Variants in ABCA1 observed in about 807,000 individuals in gnomAD.
ABCA1 encodes the protein ATP binding cassette subfamily A member 1.
A neutral mutation model predicts 262.5 loss-of-function variants in ABCA1; 133 were observed. The observed-to-expected ratio is 0.51, with a 90% confidence interval of 0.44 to 0.59. The LOEUF (loss-of-function observed/expected upper bound fraction) is 0.59, where lower values mean the gene tolerates loss of function less well. Among genes scored for constraint, ABCA1 ranks in the 20% least tolerant of loss-of-function variants. The pLI is 0.00. For missense variants in ABCA1, 2,452 were observed against 2,777.5 expected (o/e 0.88, Z 2.63); for synonymous variants, 1,022 against 1,043.5 (o/e 0.98, Z 0.40).
At chr9:104,833,103 T>C (rs1357139158) in intron 11 of ABCA1, among the ~76,000 whole-genome samples, 6 of 152,232 alleles carry the variant, frequency 3.9e-5, no homozygotes, top group African/African-American at 1.2e-4. Flanking sequence ...ACTTCCTTTA[T>C]ATAGTTACTA....
intron 5 of ABCA1, among the ~76,000 whole-genome samples, chr9:104,882,015 A>G: frequency 7.3e-6 from 1 of 137,096 alleles, no homozygotes; most frequent in Non-Finnish European, 1.5e-5. Context: ...AGGAAAGCAC[A>G]GTTCTGTAGC....
intron 5 of ABCA1, among the ~76,000 whole-genome samples, chr9:104,877,640 T>C (rs994918272): frequency 6.6e-6 from 1 of 152,266 alleles, no homozygotes; most frequent in Non-Finnish European, 1.5e-5. Context: ...ATTTATTATG[T>C]GTCAACTGTG....
At chr9:104,837,712 A>T in intron 9 of ABCA1, 145 bp from the exon 10 acceptor site, 1 of 948,262 alleles carries the variant, frequency 1.1e-6, no homozygotes, top group Non-Finnish European at 1.6e-6. Flanking sequence ...TCTGAGCCTC[A>T]GTTGGCTCCT....
intron 40 of ABCA1, 128 bp from the exon 41 acceptor site, chr9:104,793,428 G>A (rs541472246): frequency 7.5e-6 from 10 of 1,328,724 alleles, no homozygotes; most frequent in Middle Eastern, 1.8e-4. Context: ...TATCACCCAT[G>A]ACAAGGAAAA....
rs1836580222 is a variant in ABCA1, at chr9:104,862,648, C to CAG, written c.422-849_422-848insCT. On this transcript the variant is annotated intron_variant, in intron 5 of 49. Transcript: ENST00000374736. ...ATGCAGACTGCCGGGCCGGGCCGGG[C>CAG]CGGGCCGGGCCGGGCCGGGCCGGGC... Among the ~76,000 whole-genome samples, 18 of 4,312 alleles carry CAG rather than the reference C, an allele frequency of 4.2e-3. 5 individuals carry two copies. The highest frequency in any genetic ancestry group is 7.7e-3 in the Non-Finnish European group (13 of 1,694). The allele number at this position is 4,312 out of a possible 152,430, so 2.8% of individuals were successfully genotyped here.
intron 5 of ABCA1, among the ~76,000 whole-genome samples, chr9:104,867,901 G>C (rs1837233508): frequency 6.6e-6 from 1 of 152,130 alleles, no homozygotes; most frequent in African/African-American, 2.4e-5. Context: ...AAATGTGTGG[G>C]TTGGAGAAGA....
At chr9:104,842,844 T>A (rs1369406311) in intron 8 of ABCA1, among the ~76,000 whole-genome samples, 1 of 152,104 alleles carries the variant, frequency 6.6e-6, no homozygotes, top group Non-Finnish European at 1.5e-5. Context: ...TGGATTCTCA[T>A]CTCACCCAGC....
intron 14 of ABCA1, among the ~76,000 whole-genome samples, chr9:104,830,527 TAAAATACA>T (rs1402451129): frequency 6.6e-6 from 1 of 151,726 alleles, no homozygotes; most frequent in East Asian, 1.9e-4. Flanking sequence ...TCGTCTCTAC[TAAAATACA>T]AAAAGTCAGC....
intron 7 of ABCA1, among the ~76,000 whole-genome samples, chr9:104,846,699 T>C (rs1195568278): frequency 1.3e-5 from 2 of 152,204 alleles, no homozygotes; most frequent in Non-Finnish European, 2.9e-5. Flanking sequence ...ATGAAAGAAC[T>C]TGTCCAGCTC....
intron 1 of ABCA1, among the ~76,000 whole-genome samples, chr9:104,920,895 T>C (rs1486760237): frequency 3.3e-5 from 5 of 152,202 alleles, no homozygotes; most frequent in Non-Finnish European, 7.3e-5. Context: ...GTTCACATTA[T>C]ACACAAACAC....
chr9:104,903,969 G>A (rs543004720), intron 1 of ABCA1, among the ~76,000 whole-genome samples, 198 bp from the exon 2 acceptor site: 12 of 152,320 alleles, frequency 7.9e-5, no homozygotes, highest in East Asian at 5.8e-4. Flanking sequence ...GAGGTGTTCC[G>A]ACAGCAGGCT....
Position 104,812,650 on chromosome 9 carries a change from G to A in ABCA1, c.3974C>T (p.Thr1325Ile), listed in dbSNP as rs780255270. 7.4e-6 allele frequency: 12 copies of A among 1,614,228 alleles called. No homozygotes were observed. In the East Asian group the frequency reaches 2.5e-4, roughly 33 times the overall value. Residue 1325 changes from threonine to isoleucine, a missense_variant, in exon 28 of 50, where the codon ACA becomes ATA. Thr to Ile is a moderately conservative substitution (Grantham distance 89). Coordinates refer to ENST00000374736, the MANE Select transcript of ABCA1 (RefSeq NM_005502.4). ...CAAAAGGGCCACAAACTGTTGCTGT[G>A]TAAGTTTCCAGCCTTTCACCTGGTA... ...GSYQVKGWKLTQQQFVALLWK... is the reference protein window; with the variant it reads ...GSYQVKGWKLIQQQFVALLWK...
chr9:104,825,079 T>C (rs776848975), intron 17 of ABCA1, among the ~76,000 whole-genome samples: 3 of 152,214 alleles, frequency 2.0e-5, no homozygotes, highest in Non-Finnish European at 2.9e-5. Context: ...GAAGATGTAT[T>C]ATATTAAGAA....
intron 1 of ABCA1, among the ~76,000 whole-genome samples, chr9:104,926,870 A>C (rs1407307477): frequency 6.6e-6 from 1 of 152,136 alleles, no homozygotes; most frequent in Admixed American, 6.6e-5. Flanking sequence ...AGGATTGGGC[A>C]CCCCACCTCC....
intron 1 of ABCA1, among the ~76,000 whole-genome samples, chr9:104,925,116 C>A (rs746056035): frequency 2.0e-4 from 31 of 152,108 alleles, no homozygotes; most frequent in Non-Finnish European, 4.3e-4. Context: ...CGGTGCCTCA[C>A]GCCTGTAATC....
chr9:104,893,213 G>A (rs945233124), intron 2 of ABCA1, among the ~76,000 whole-genome samples: 2 of 151,952 alleles, frequency 1.3e-5, no homozygotes, highest in Non-Finnish European at 1.5e-5. Flanking sequence ...ATGAGGTCAG[G>A]AGTTCAAGAC....
chr9:104,845,942 T>C (rs1834832016), intron 7 of ABCA1, among the ~76,000 whole-genome samples: 1 of 152,186 alleles, frequency 6.6e-6, no homozygotes, highest in African/African-American at 2.4e-5. Flanking sequence ...AGAAACAAGT[T>C]AATGACGGCT....
chr9:104,905,721 G>A (rs1841077819), intron 1 of ABCA1, among the ~76,000 whole-genome samples: 1 of 152,174 alleles, frequency 6.6e-6, no homozygotes, highest in African/African-American at 2.4e-5. Flanking sequence ...TTGCATTCCA[G>A]AGACACTGAA....
At chr9:104,814,058 G>A (rs909497759) in intron 27 of ABCA1, 60 bp downstream of exon 27, 120 of 1,535,626 alleles carry the variant, frequency 7.8e-5, no homozygotes, top group Non-Finnish European at 1.0e-4. Flanking sequence ...ACAGGTGAGA[G>A]CATGAGAGAG....
Sources: allele counts gnomAD v4.1 joint callset (sites outside exome capture counted in the v4.1 genomes callset), GRCh38; gene constraint gnomAD v4.1.1; transcripts MANE v1.5; gene names NCBI Gene and HGNC (gene_info 2026-07-23, HGNC 2026-07-21).